The following ADGRG2 variants were observed in gnomAD, a reference collection of about 807,000 sequenced individuals.
ADGRG2 encodes adhesion G protein-coupled receptor G2, also known as G protein-coupled receptor 64.
Under a neutral mutation model 74.1 loss-of-function variants are expected in ADGRG2, and 26 were observed. The observed-to-expected ratio is 0.35, with a 90% CI of 0.26 to 0.49. The LOEUF is 0.49. Among genes scored for constraint, ADGRG2 ranks in the 20% least tolerant of loss-of-function variants. The probability of loss-of-function intolerance (pLI) is 0.99; values close to 1 mark genes in which losing one functional copy is unlikely to be tolerated. For synonymous variants in ADGRG2, 296 were observed against 295.2 expected (o/e 1.00, Z -0.03); for missense variants, 619 against 763.1 (o/e 0.81, Z 2.22).
At position 19,064,318 on chromosome X, in the gene ADGRG2, C is replaced by A. The variant is rs7061202; in HGVS notation, c.118+4399G>T. 6.0e-3 allele frequency among the ~76,000 whole-genome samples: 676 copies of A among 112,701 alleles called. 6 individuals are homozygous for A. The highest frequency in any genetic ancestry group is 0.021 in the African/African-American group (646 of 31,043). On this transcript the variant is annotated intron_variant, in intron 3 of 28. Coordinates refer to ENST00000379869, the MANE Select transcript of ADGRG2 (RefSeq NM_001079858.3). ...CAGGCCATATGTGAGTGCCCTATAG[C>A]GCTGACTCATACTTTAAGACTTATA...
At position 19,035,978 on chromosome X, in the gene ADGRG2, C is replaced by G. The variant is rs369858350; in HGVS notation, c.227-1G>C. The G allele has an allele frequency of 1.2e-5, 11 of 945,134 alleles. No homozygotes were observed. The Admixed American group carries it at 1.8e-4, about 15-fold the overall frequency. The allele number at this position is 945,134 out of a possible 1,213,427, so 77.9% of individuals were successfully genotyped here. On this transcript the variant is annotated splice_acceptor_variant, in intron 6 of 28. Transcript: ENST00000379869. LOFTEE classifies it high-confidence loss of function. ...GAAGGGAGTAAGCTTAAAGTAACAT[C>G]TGAAATAAAATAATAAAAATTAGCA...
At chrX:19,119,323 C>T (rs1221243976) in intron 1 of ADGRG2, among the ~76,000 whole-genome samples, 2 of 111,937 alleles carry the variant, frequency 1.8e-5, no homozygotes, top group Non-Finnish European at 3.8e-5. Context: ...AATGTTAGCC[C>T]GTTTAAGTTC....
chrX:19,040,334 T>C, intron 3 of ADGRG2, 110 bp from the exon 4 acceptor site: 1 of 483,551 alleles, frequency 2.1e-6, no homozygotes. Flanking sequence ...GCTACTCATG[T>C]CACTAAAAAA....
chrX:19,108,244 G>C (rs1027736546), intron 1 of ADGRG2, among the ~76,000 whole-genome samples: 1 of 110,581 alleles, frequency 9.0e-6, no homozygotes, highest in African/African-American at 3.3e-5. Context: ...AGGCGGGCAG[G>C]TTGCTTGAGG....
intron 1 of ADGRG2, among the ~76,000 whole-genome samples, chrX:19,083,835 A>G (rs1181927523): frequency 8.9e-6 from 1 of 112,267 alleles, no homozygotes; most frequent in East Asian, 2.8e-4. Context: ...ATAGGACATA[A>G]TGACTTTCAA....
At chrX:19,051,383 T>C (rs2146822427) in intron 3 of ADGRG2, among the ~76,000 whole-genome samples, 1 of 111,483 alleles carries the variant, frequency 9.0e-6, no homozygotes. Context: ...CCCATGACAC[T>C]CTGTAAACCT....
rs75336082 is a variant in ADGRG2, at chrX:19,008,092, C to T, written c.1454G>A (p.Ser485Asn). 1 of 1,196,045 alleles carries T rather than the reference C, an allele frequency of 8.4e-7. No homozygotes were observed. The highest frequency in any genetic ancestry group is 1.8e-5 in the South Asian group (1 of 54,964). Reference protein sequence around the residue: ...VSLETQAPENSIGTITLPSSL... With the variant: ...VSLETQAPENNIGTITLPSSL... ...TGAAGGAAGAGTAATTGTGCCAATA[C>T]TGTTCTCAGGAGCTTGGGTTTCCAG... Residue 485 changes from serine to asparagine, a missense_variant, in exon 19 of 29, where the codon AGT (serine) becomes AAT (asparagine). Transcript: ENST00000379869.
At chrX:19,027,184 G>A in intron 11 of ADGRG2, 35 bp downstream of exon 11, 1 of 925,480 alleles carries the variant, frequency 1.1e-6, no homozygotes, top group Non-Finnish European at 1.6e-6. Context: ...CATAGTTGAT[G>A]TCTGCAGTTT....
chrX:19,006,801 C>G (rs1411862405), intron 20 of ADGRG2, among the ~76,000 whole-genome samples: 1 of 102,535 alleles, frequency 9.8e-6, no homozygotes, highest in Non-Finnish European at 2.0e-5. Flanking sequence ...CTTTGTCACC[C>G]AAGCTGGAAT....
rs760596549 is a variant in ADGRG2 at position 18,991,078 on chromosome X, T to G, written c.2870-30A>C. On this transcript the variant is annotated intron_variant, in intron 28 of 28. Transcript: ENST00000379869. ...ATAAGGAAACACAAAGCGGGTGGCA[T>G]GAAGTATCCACAGAAAGCATTAAAA... 5 of 946,229 alleles carry G rather than the reference T, an allele frequency of 5.3e-6. No individual in the cohort carries two copies. In the South Asian group the frequency reaches 1.1e-4, roughly 21 times the overall value. 78.0% of individuals were successfully genotyped at this position (946,229 alleles called of 1,213,427 possible).
At chrX:19,106,862 G>A (rs1331366815) in intron 1 of ADGRG2, among the ~76,000 whole-genome samples, 2 of 109,856 alleles carry the variant, frequency 1.8e-5, no homozygotes, top group Admixed American at 9.7e-5. Context: ...GGAGGTTGCA[G>A]TGAGCCGAGA....
chrX:19,008,068 G>A lies in ADGRG2; in HGVS notation c.1478C>T (p.Ser493Leu). ...AGCTGGTAAATTATTCATCAGCGAT[G>A]AAGGAAGAGTAATTGTGCCAATACT... is the stretch of plus-strand genomic sequence containing the variant. Reference protein sequence around the residue: ...ENSIGTITLPSSLMNNLPAHD... With the variant: ...ENSIGTITLPLSLMNNLPAHD... Residue 493 changes from serine (S) to leucine (L), a missense_variant, in exon 19 of 29, where the codon TCA (serine) becomes TTA (leucine). Around this residue, in one of 3 missense-constraint regions of ADGRG2, gnomAD observed 221 missense variants for 340.6 expected, o/e 0.65. Transcript: ENST00000379869. 8.4e-7 allele frequency: 1 copy of A among 1,195,345 alleles called. No homozygotes were observed. The highest frequency in any genetic ancestry group is 1.1e-6 in the Non-Finnish European group (1 of 880,961).
At chrX:19,071,263 T>C (rs2061649437) in intron 2 of ADGRG2, among the ~76,000 whole-genome samples, 1 of 111,793 alleles carries the variant, frequency 8.9e-6, no homozygotes, top group Non-Finnish European at 1.9e-5. Flanking sequence ...ATTAATAAAT[T>C]GTATTATGTA....
At chrX:19,109,521 T>A (rs1220783975) in intron 1 of ADGRG2, among the ~76,000 whole-genome samples, 1 of 111,684 alleles carries the variant, frequency 9.0e-6, no homozygotes, top group Non-Finnish European at 1.9e-5. Flanking sequence ...AGTCATGAAT[T>A]TTAGACCAGT....
At chrX:19,001,034 G>A (rs1284005749) in intron 24 of ADGRG2, among the ~76,000 whole-genome samples, 3 of 111,410 alleles carry the variant, frequency 2.7e-5, no homozygotes, top group East Asian at 5.7e-4. Context: ...TGCACCCAGC[G>A]TTGTGCCTTT....
intron 1 of ADGRG2, among the ~76,000 whole-genome samples, chrX:19,099,624 G>A (rs941739935): frequency 8.9e-5 from 10 of 112,209 alleles, no homozygotes; most frequent in African/African-American, 1.9e-4. Context: ...GCCCACATTC[G>A]TGACACCTAC....
intron 3 of ADGRG2, among the ~76,000 whole-genome samples, chrX:19,058,580 C>T (rs186812098): frequency 8.9e-6 from 1 of 111,812 alleles, no homozygotes; most frequent in Non-Finnish European, 1.9e-5. Context: ...TTTATCTCTT[C>T]TTCAAATTAA....
intron 1 of ADGRG2, among the ~76,000 whole-genome samples, chrX:19,095,739 C>A: frequency 9.0e-6 from 1 of 111,544 alleles, no homozygotes; most frequent in Non-Finnish European, 1.9e-5. Context: ...GGGAGCCAGG[C>A]GCAATGGCTC....
chrX:19,050,677 C>T (rs2061302591), intron 3 of ADGRG2, among the ~76,000 whole-genome samples: 1 of 111,527 alleles, frequency 9.0e-6, no homozygotes, highest in Non-Finnish European at 1.9e-5. Context: ...CACTTGAGGC[C>T]AGGAGTTTGA....
Sources: allele counts gnomAD v4.1 joint callset (sites outside exome capture counted in the v4.1 genomes callset), GRCh38; gene constraint gnomAD v4.1.1; regional missense constraint gnomAD v4.1.1; transcripts MANE v1.5; gene names NCBI Gene and HGNC (gene_info 2026-07-23, HGNC 2026-07-21).